The following GPT2 variants were observed in gnomAD, a reference collection of about 807,000 sequenced individuals.
The protein encoded by GPT2 is alanine aminotransferase 2.
Under a neutral mutation model 56.9 loss-of-function variants are expected in GPT2, and 30 were observed. That is an observed-to-expected ratio of 0.53 (90% CI 0.39 to 0.72). GPT2 has a LOEUF of 0.72. Ranked by LOEUF, GPT2 falls within the 30% of genes least tolerant of loss-of-function variation. GPT2 has a pLI of 0.00. For missense variants in GPT2, 542 were observed against 703.4 expected, an observed-to-expected ratio of 0.77 and a Z score of 2.60; for synonymous variants, 271 against 283.1, an observed-to-expected ratio of 0.96 and a Z score of 0.43.
intron 7 of GPT2, among the ~76,000 whole-genome samples, chr16:46,916,914 CA>C (rs1282843922): frequency 6.6e-6 from 1 of 152,108 alleles, no homozygotes; most frequent in African/African-American, 2.4e-5. Context: ...TTGTAAATTT[CA>C]GAAATTCAGC....
rs1361299184 is a variant in GPT2, at chr16:46,924,491, A to G, written c.1315A>G (p.Met439Val). ...TCACTGCAACCCCTTGCAGGGGGCC[A>G]TGTACGCCTTCCCTCGGATCTTCAT... Reference protein sequence around the residue: ...GIHCNPLQGAMYAFPRIFIPA... With the variant: ...GIHCNPLQGAVYAFPRIFIPA... The change falls in exon 10 of 12, where the codon ATG becomes GTG. Residue 439 changes from methionine (M) to valine (V), a missense_variant. Coordinates refer to ENST00000340124, the MANE Select transcript of GPT2 (RefSeq NM_133443.4). 16 of 1,614,246 alleles carry G rather than the reference A, an allele frequency of 9.9e-6. No individual in the cohort carries two copies. The highest frequency in any genetic ancestry group is 2.2e-5 in the East Asian group (1 of 44,890).
At position 46,924,637 on chromosome 16, in the gene GPT2, T is replaced by C. The variant is rs1961366210; in HGVS notation, c.1368+93T>C. Reference sequence around the variant, plus strand: ...TGCTTATCTTGGGGAGCAGAAGTGCTGGCCCTGGAGGCTCGGAACTGTATG... The same window carrying C: ...TGCTTATCTTGGGGAGCAGAAGTGCCGGCCCTGGAGGCTCGGAACTGTATG... On this transcript the variant is annotated intron_variant, in intron 10 of 11. Transcript: ENST00000340124. The C allele has an allele frequency of 3.0e-5, 42 of 1,380,416 alleles. 1 individual carries two copies. The South Asian group carries it at 5.4e-4, about 18-fold the overall frequency. 85.5% of individuals were successfully genotyped at this position (1,380,416 alleles called of 1,614,324 possible). A position where few individuals can be genotyped will look rare whatever the true frequency, so the allele number is the denominator to read the frequency against.
chr16:46,924,313 T>A, intron 9 of GPT2, 76 bp from the exon 10 acceptor site: 1 of 1,519,502 alleles, frequency 6.6e-7, no homozygotes, highest in South Asian at 1.1e-5. Flanking sequence ...CCGCAAGTGC[T>A]GCAGGAAAGA....
intron 8 of GPT2, 78 bp from the exon 9 acceptor site, chr16:46,922,164 C>T (rs970251423): frequency 7.1e-5 from 101 of 1,431,020 alleles, no homozygotes; most frequent in Middle Eastern, 1.8e-4. Context: ...GGAATGCTTT[C>T]GATTCTGGCT....
intron 2 of GPT2, chr16:46,885,571 C>T (rs1960468052): frequency 2.0e-6 from 2 of 984,364 alleles, no homozygotes; most frequent in Non-Finnish European, 2.4e-6. Flanking sequence ...TGGGGACAGT[C>T]ACCGAGGTGG....
intron 6 of GPT2, among the ~76,000 whole-genome samples, chr16:46,912,939 C>T (rs1961072788): frequency 6.6e-6 from 1 of 152,214 alleles, no homozygotes; most frequent in Admixed American, 6.5e-5. Flanking sequence ...TACAGATGTT[C>T]CCATCAGCTT....
chr16:46,909,774 ATC>A lies in GPT2; in HGVS notation c.671_672del (p.Ser224Ter). 6.2e-7 allele frequency: 1 copy of A among 1,614,186 alleles called. No homozygotes were observed. Among genetic ancestry groups the A allele is most frequent in the Non-Finnish European group, 8.5e-7 (1 of 1,180,034 alleles). On this transcript the variant is annotated frameshift_variant, in exon 6 of 12. Coordinates refer to ENST00000340124, the MANE Select transcript of GPT2 (RefSeq NM_133443.4). LOFTEE classifies it high-confidence loss of function. Reference protein sequence around the residue: ...IPQYPLYSAVISELDAIQVNY... With the variant: ...IPQYPLYSAVXSELDAIQVNY... ...ACAATATCCCCTCTATTCAGCTGTC[ATC>A]TCTGAGCTCGACGCCATCCAGGTGA... is the stretch of plus-strand genomic sequence containing the variant.
chr16:46,884,631 G>A (rs369137448), intron 1 of GPT2, 63 bp from the exon 2 acceptor site: 6 of 1,312,234 alleles, frequency 4.6e-6, no homozygotes, highest in Middle Eastern at 2.1e-4. Flanking sequence ...GGGCTTGTGT[G>A]GGGGAGTGCT....
intron 6 of GPT2, among the ~76,000 whole-genome samples, chr16:46,910,810 A>G (rs1961034717): frequency 6.6e-6 from 1 of 152,160 alleles, no homozygotes; most frequent in African/African-American, 2.4e-5. Context: ...TGTGTGTCCC[A>G]GGCTGGTCTT....
chr16:46,928,858 C>A, intron 11 of GPT2, 49 bp from the exon 12 acceptor site: 1 of 1,418,246 alleles, frequency 7.1e-7, no homozygotes, highest in South Asian at 1.2e-5. Context: ...ATTCGTTCCT[C>A]TCCCATCTTG....
At chr16:46,922,623 C>G (rs1330549957) in intron 9 of GPT2, among the ~76,000 whole-genome samples, 1 of 152,198 alleles carries the variant, frequency 6.6e-6, no homozygotes, top group Non-Finnish European at 1.5e-5. Context: ...AGTAGGAGGA[C>G]TGTGAGTGTG....
At chr16:46,885,697 T>G (rs1596856358) in intron 2 of GPT2, 1 of 217,012 alleles carries the variant, frequency 4.6e-6, no homozygotes, top group Non-Finnish European at 7.8e-6. Flanking sequence ...TCATGTAAGG[T>G]GAGCCCACAG....
chr16:46,893,242 T>G (rs1960617910), intron 2 of GPT2, among the ~76,000 whole-genome samples: 1 of 152,222 alleles, frequency 6.6e-6, no homozygotes, highest in South Asian at 2.1e-4. Flanking sequence ...ACCATTCTCC[T>G]ACCTCAGCCT....
Position 46,921,562 on chromosome 16 carries a change from T to C in GPT2, c.1038-680T>C, listed in dbSNP as rs149151905. On this transcript the variant is annotated intron_variant, in intron 8 of 11. Transcript: ENST00000340124. ...GCATGGAGGAAGGTGACCAGGTTCC[T>C]GCCTCCAGGCACCTGCGTTCCTGTG... 3.3e-5 allele frequency among the ~76,000 whole-genome samples: 5 copies of C among 152,298 alleles called. No individual in the cohort carries two copies. The East Asian group carries it at 9.6e-4, about 29-fold the overall frequency.
chr16:46,915,808 T>TAC, intron 6 of GPT2: 2 of 131,764 alleles, frequency 1.5e-5, no homozygotes, highest in Non-Finnish European at 3.2e-5. Context: ...CCACCACACC[T>TAC]ACACACACAC....
Position 46,884,688 on chromosome 16 carries a change from T to C in GPT2, c.-22-6T>C, listed in dbSNP as rs1960446180. ...CGTGTTTGTTCTTTTTCTCTTTTTG[T>C]GCCAGGGTTTCTCTCCGCAAGCGCG... is the stretch of plus-strand genomic sequence containing the variant. On this transcript the variant is annotated splice_region_variant and splice_polypyrimidine_tract_variant and intron_variant, in intron 1 of 11. Coordinates refer to ENST00000340124, the MANE Select transcript of GPT2 (RefSeq NM_133443.4). 3.6e-6 allele frequency: 5 copies of C among 1,370,258 alleles called. No homozygotes were observed. The highest frequency in any genetic ancestry group is 4.7e-6 in the Non-Finnish European group (5 of 1,059,650). The allele number at this position is 1,370,258 out of a possible 1,614,324, so 84.9% of individuals were successfully genotyped here. A position where few individuals can be genotyped will look rare whatever the true frequency, so the allele number is the denominator to read the frequency against.
At chr16:46,903,306 T>G (rs570223631) in intron 4 of GPT2, among the ~76,000 whole-genome samples, 2 of 152,032 alleles carry the variant, frequency 1.3e-5, no homozygotes, top group South Asian at 4.2e-4. Flanking sequence ...TTTTGTTTTT[T>G]TTTTCTTTTT....
chr16:46,910,793 G>T (rs1410853596), intron 6 of GPT2, among the ~76,000 whole-genome samples: 1 of 152,090 alleles, frequency 6.6e-6, no homozygotes, highest in Non-Finnish European at 1.5e-5. Context: ...TAGAGACAGG[G>T]TCTTGCTGTG....
rs998559711 is a variant in GPT2, at chr16:46,920,159, C to T, written c.1037+1402C>T. Among the ~76,000 whole-genome samples, 10 of 152,322 alleles carry T rather than the reference C, an allele frequency of 6.6e-5. No homozygotes were observed. In the South Asian group the frequency reaches 1.7e-3, roughly 25 times the overall value. ...GTTCCAGGCTGCGGTGAGCTGATGA[C>T]GCCACTGCATGATGAATCTTTAGTT... On this transcript the variant is annotated intron_variant, in intron 8 of 11. Transcript: ENST00000340124.
Sources: gnomAD v4.1 joint callset for allele counts (sites outside exome capture counted in the v4.1 genomes callset) on GRCh38, gnomAD v4.1.1 for gene constraint, MANE v1.5 for transcripts, NCBI Gene and HGNC (gene_info 2026-07-23, HGNC 2026-07-21) for gene names.